The following ARMC6 variants were observed in gnomAD, a reference collection of about 807,000 sequenced individuals.
ARMC6 encodes armadillo repeat containing 6.
ARMC6 carries 43 observed loss-of-function variants against 49.2 expected under a neutral mutation model. The observed-to-expected ratio is 0.87, with a 90% CI of 0.69 to 1.13. The LOEUF (loss-of-function observed/expected upper bound fraction) is 1.13, where lower values mean the gene tolerates loss of function less well. ARMC6 is among the 50% of genes most tolerant of loss of function. ARMC6 has a pLI of 0.00. For synonymous variants in ARMC6, 262 were observed against 289.6 expected (o/e 0.90, Z 0.97); for missense variants, 627 against 682.0 (o/e 0.92, Z 0.90).
intron 2 of ARMC6, chr19:19,040,707 G>T: frequency 2.4e-6 from 1 of 417,220 alleles, no homozygotes. Context: ...GGAGTGCAAT[G>T]GCATGATCTC....
At chr19:19,049,586 C>T (rs932549844) in intron 4 of ARMC6, among the ~76,000 whole-genome samples, 9 of 152,198 alleles carry the variant, frequency 5.9e-5, no homozygotes, top group African/African-American at 1.7e-4. Flanking sequence ...TCATTAAGTA[C>T]ATTCATAATG....
At chr19:19,054,481 A>T (rs1447204000) in intron 6 of ARMC6, among the ~76,000 whole-genome samples, 160 bp downstream of exon 6, 1 of 152,116 alleles carries the variant, frequency 6.6e-6, no homozygotes, top group Non-Finnish European at 1.5e-5. Context: ...TCGGGGGGGA[A>T]ACAAACCCAC....
chr19:19,046,127 A>G (rs774457665), intron 4 of ARMC6, among the ~76,000 whole-genome samples: 3 of 152,140 alleles, frequency 2.0e-5, no homozygotes, highest in Admixed American at 6.5e-5. Flanking sequence ...AGGCCGTTCT[A>G]CCAGCAGTAC....
At chr19:19,052,400 T>C (rs995660052) in intron 5 of ARMC6, among the ~76,000 whole-genome samples, 12 of 152,074 alleles carry the variant, frequency 7.9e-5, no homozygotes, top group African/African-American at 2.9e-4. Context: ...AGGCCAGCAC[T>C]CAGGGGCCAG....
rs753658339 is a variant in ARMC6 at position 19,051,753 on chromosome 19, C to G, written c.411C>G (p.Tyr137Ter). 6.2e-7 allele frequency: 1 copy of G among 1,614,078 alleles called. No homozygotes were observed. Among genetic ancestry groups the G allele is most frequent in the Non-Finnish European group, 8.5e-7 (1 of 1,180,044 alleles). ...CRFLAAQKGA[Y>*]PIIFTAWKLA... ...TCCTCGCGGCCCAGAAGGGGGCCTACCCCATCATCTTCACTGCCTGGAAGC... is the reference window on the plus strand; with the variant it reads ...TCCTCGCGGCCCAGAAGGGGGCCTAGCCCATCATCTTCACTGCCTGGAAGC... The change falls in exon 5 of 9, where the codon TAC becomes TAG. Residue 137 changes from tyrosine to a stop codon, truncating the protein, a stop_gained. Coordinates refer to ENST00000535612, the MANE Select transcript of ARMC6 (RefSeq NM_001199196.2). LOFTEE classifies it high-confidence loss of function.
In ARMC6 at chr19:19,034,258, AAC is replaced by A. The variant is rs775131863; in HGVS notation, c.29+22_29+23del. 1 of 1,592,094 alleles carries A rather than the reference AAC, an allele frequency of 6.3e-7. No homozygotes were observed. Among genetic ancestry groups the A allele is most frequent in the South Asian group, 1.1e-5 (1 of 89,632 alleles). On this transcript the variant is annotated intron_variant, in intron 2 of 8. Coordinates refer to ENST00000535612, the MANE Select transcript of ARMC6 (RefSeq NM_001199196.2). ...ATACAGGTAATGGTGTGCAAATAAT[AAC>A]AGAGTGATGGGACGGGAAAGCAGGG...
rs781248353 is a variant in ARMC6, at chr19:19,033,727, C to T, written c.-283C>T. The T allele has an allele frequency of 6.2e-4, 166 of 265,694 alleles. No homozygotes were observed. Among genetic ancestry groups the T allele is most frequent in the Non-Finnish European group, 1.1e-3 (149 of 141,238 alleles). The allele number at this position is 265,694 out of a possible 1,614,324, so 16.5% of individuals were successfully genotyped here. A position where few individuals can be genotyped will look rare whatever the true frequency, so the allele number is the denominator to read the frequency against. ...GTCCCGGAAGGGGCGGCAAAGACGC[C>T]TCCGTCGCGCACGAGGTGGCCTCGT... is the stretch of plus-strand genomic sequence containing the variant. On this transcript the variant is annotated 5_prime_UTR_variant, in exon 1 of 9. Transcript: ENST00000535612.
At position 19,042,882 on chromosome 19, in the gene ARMC6, G is replaced by T; in HGVS notation, c.196+5G>T. ...TGGAGCAGTTTGAATCGCAAGGTAG[G>T]GTGGTGTGACTGTCACCTACCATCC... On this transcript the variant is annotated splice_donor_5th_base_variant and intron_variant, in intron 3 of 8. Coordinates refer to ENST00000535612, the MANE Select transcript of ARMC6 (RefSeq NM_001199196.2). 1 of 1,613,558 alleles carries T rather than the reference G, an allele frequency of 6.2e-7. No individual in the cohort carries two copies. Among genetic ancestry groups the T allele is most frequent in the Non-Finnish European group, 8.5e-7 (1 of 1,179,976 alleles).
chr19:19,053,514 AATAG>A (rs2059516526), intron 5 of ARMC6, among the ~76,000 whole-genome samples: 2 of 152,072 alleles, frequency 1.3e-5, no homozygotes, highest in South Asian at 2.1e-4. Context: ...TAATAATAAT[AATAG>A]ATAGCTGATT....
intron 8 of ARMC6, among the ~76,000 whole-genome samples, chr19:19,056,260 T>TG (rs1347039233): frequency 9.0e-5 from 13 of 144,232 alleles, no homozygotes; most frequent in African/African-American, 3.5e-4. Context: ...TCTCCTTCTG[T>TG]GGGTTTTTTT....
At chr19:19,040,367 C>G (rs1037055163) in intron 2 of ARMC6, among the ~76,000 whole-genome samples, 2 of 152,138 alleles carry the variant, frequency 1.3e-5, no homozygotes, top group Non-Finnish European at 2.9e-5. Context: ...AGAACTTTTC[C>G]TCATCCTCTT....
intron 2 of ARMC6, among the ~76,000 whole-genome samples, chr19:19,038,754 C>T (rs958421148): frequency 7.2e-5 from 11 of 151,998 alleles, no homozygotes; most frequent in East Asian, 1.9e-4. Context: ...TTAGTAGAGA[C>T]GGGGTTTCGC....
intron 4 of ARMC6, 119 bp from the exon 5 acceptor site, chr19:19,051,503 A>G: frequency 1.1e-6 from 1 of 934,246 alleles, no homozygotes; most frequent in South Asian, 1.6e-5. Flanking sequence ...GCCCCACATC[A>G]CTTCCACTGC....
intron 6 of ARMC6, among the ~76,000 whole-genome samples, chr19:19,054,916 G>A (rs1394185226): frequency 2.6e-5 from 4 of 152,174 alleles, no homozygotes; most frequent in Non-Finnish European, 5.9e-5. Flanking sequence ...GTTCTCCATC[G>A]GGGGATCAGC....
chr19:19,037,555 T>A (rs925475415), intron 2 of ARMC6: 9 of 819,172 alleles, frequency 1.1e-5, no homozygotes, highest in Non-Finnish European at 1.6e-5. Context: ...TTTATAGAGA[T>A]GGAGTTTCGC....
At chr19:19,035,018 C>T (rs1010305518) in intron 2 of ARMC6, among the ~76,000 whole-genome samples, 1 of 152,178 alleles carries the variant, frequency 6.6e-6, no homozygotes, top group Non-Finnish European at 1.5e-5. Context: ...CCCGCCACCA[C>T]GCCCGGCTAG....
In ARMC6 at chr19:19,055,797, G is replaced by A; in HGVS notation, c.1162G>A (p.Glu388Lys). 6.3e-7 allele frequency: 1 copy of A among 1,576,828 alleles called. No individual in the cohort carries two copies. Among genetic ancestry groups the A allele is most frequent in the Non-Finnish European group, 8.7e-7 (1 of 1,155,000 alleles). The change falls in exon 8 of 9, where the codon GAG (glutamate) becomes AAG (lysine). Residue 388 changes from glutamate to lysine, a missense_variant. Physicochemically the swap from Glu to Lys is moderately conservative, Grantham distance 56. Transcript: ENST00000535612. The surrounding 1 kb of genome is among the most constrained non-coding windows in gnomAD (Gnocchi z 5.7). ...CTGTGACTGGCCCCTGCAGGTGTGT[G>A]AGCAGAGCTGCGCGGCCCTGTGCTT... ...TQHLTSPQVC[E>K]QSCAALCFLA...
rs772584095 is a variant in ARMC6, at chr19:19,040,839, A to AT, written c.30-1863dup. ...AGATTTTGATTTTGATATGTACTGGATTTTTTTTTAATGCTCACTTGTCTC... is the reference window on the plus strand; with the variant it reads ...AGATTTTGATTTTGATATGTACTGGATTTTTTTTTTAATGCTCACTTGTCTC... On this transcript the variant is annotated intron_variant, in intron 2 of 8. Coordinates refer to ENST00000535612, the MANE Select transcript of ARMC6 (RefSeq NM_001199196.2). The AT allele has an allele frequency of 4.3e-3, 1,621 of 374,276 alleles. 1 individual carries two copies. Among genetic ancestry groups the AT allele is most frequent in the East Asian group, 7.0e-3 (78 of 11,188 alleles). 23.2% of individuals were successfully genotyped at this position (374,276 alleles called of 1,614,324 possible). A position where few individuals can be genotyped will look rare whatever the true frequency, so the allele number is the denominator to read the frequency against.
chr19:19,037,524 A>C (rs1361062751), intron 2 of ARMC6: 1 of 583,812 alleles, frequency 1.7e-6, no homozygotes, highest in Non-Finnish European at 2.9e-6. Context: ...ATGCTCCCAC[A>C]CCTGGCTAAT....
Sources: allele counts gnomAD v4.1 joint callset (sites outside exome capture counted in the v4.1 genomes callset), GRCh38; gene constraint gnomAD v4.1.1; non-coding constraint Gnocchi (gnomAD v3.1); transcripts MANE v1.5; gene names NCBI Gene and HGNC (gene_info 2026-07-23, HGNC 2026-07-21).